The following MYO7A variants were observed in gnomAD, a reference collection of about 807,000 sequenced individuals.
MYO7A encodes myosin VIIA, also known as unconventional myosin-VIIa.
Under a neutral mutation model 263.8 loss-of-function variants are expected in MYO7A, and 210 were observed. The observed-to-expected ratio is 0.80, with a 90% CI of 0.71 to 0.89. MYO7A has a LOEUF of 0.89. Ranked by LOEUF, MYO7A falls within the 40% of genes least tolerant of loss-of-function variation. MYO7A has a pLI of 0.00. For synonymous variants in MYO7A, 1,239 were observed against 1,197.3 expected, an observed-to-expected ratio of 1.03 and a Z score of -0.72; for missense variants, 2,820 against 2,968.3, an observed-to-expected ratio of 0.95 and a Z score of 1.16.
intron 48 of MYO7A, 34 bp from the exon 49 acceptor site, chr11:77,214,573 G>A (rs759378722): frequency 1.3e-5 from 19 of 1,469,500 alleles, no homozygotes; most frequent in South Asian, 2.4e-5. Flanking sequence ...CTGTCCCACC[G>A]TGTGCTCGCT....
In MYO7A at chr11:77,207,415, C is replaced by G; in HGVS notation, c.5856+13C>G. On this transcript the variant is annotated intron_variant, in intron 42 of 48. Transcript: ENST00000409709. ...AATTGCAGACAAGGTGGGTCCTTTG[C>G]CACCTTCGCCAAGGTGGGAGATTTG... The G allele has an allele frequency of 6.4e-7, 1 of 1,553,234 alleles. No individual in the cohort carries two copies. Among genetic ancestry groups the G allele is most frequent in the South Asian group, 1.2e-5 (1 of 86,480 alleles).
rs924913478 is a variant in MYO7A at position 77,160,176 on chromosome 11, A to G, written c.1094A>G (p.Asp365Gly). The change falls in exon 11 of 49, where the codon GAC (aspartate) becomes GGC (glycine). Residue 365 changes from aspartate to glycine, a missense_variant. By Grantham distance (94) the Asp-to-Gly change is moderately conservative. Transcript: ENST00000409709. Reference protein sequence around the residue: ...AASLLEVNPPDLMSCLTSRTL... With the variant: ...AASLLEVNPPGLMSCLTSRTL... Reference sequence around the variant, plus strand: ...TGCCTGTACCAGGTGAACCCCCCAGACCTGATGAGCTGCCTGACTAGCCGC... The same window carrying G: ...TGCCTGTACCAGGTGAACCCCCCAGGCCTGATGAGCTGCCTGACTAGCCGC... 19 of 1,562,994 alleles carry G rather than the reference A, an allele frequency of 1.2e-5. No individual in the cohort carries two copies. The East Asian group carries it at 4.6e-4, about 38-fold the overall frequency.
intron 14 of MYO7A, 32 bp downstream of exon 14, chr11:77,163,020 C>T: frequency 1.2e-6 from 2 of 1,610,032 alleles, no homozygotes; most frequent in Non-Finnish European, 1.7e-6. Context: ...CTGTCACTCC[C>T]TGCCCGTGGC....
chr11:77,140,836 T>C (rs561800270), intron 2 of MYO7A, among the ~76,000 whole-genome samples: 35 of 152,200 alleles, frequency 2.3e-4, no homozygotes, highest in Non-Finnish European at 4.7e-4. Flanking sequence ...TTACTTTTTC[T>C]GGGAGGAAGT....
intron 39 of MYO7A, among the ~76,000 whole-genome samples, chr11:77,204,671 G>T (rs898285342): frequency 2.0e-5 from 3 of 152,118 alleles, no homozygotes; most frequent in Non-Finnish European, 4.4e-5. Context: ...TTCTCCTCCC[G>T]CTGGGACAGC....
At chr11:77,159,403 G>GCCCCCCCCCCCCCCC in intron 9 of MYO7A, 44 bp from the exon 10 acceptor site, 5 of 711,720 alleles carry the variant, frequency 7.0e-6, no homozygotes, top group Admixed American at 1.9e-5. Flanking sequence ...TGCCCCTGTT[G>GCCCCCCCCCCCCCCC]CCCACCCTCC....
chr11:77,157,112 G>A (rs1217189208), intron 7 of MYO7A, 108 bp downstream of exon 7: 35 of 1,489,326 alleles, frequency 2.4e-5, no homozygotes, highest in East Asian at 9.1e-5. Context: ...CCACCTGCCC[G>A]TATTGCTGCC....
chr11:77,179,938 A>G lies in MYO7A; in HGVS notation c.2571A>G (p.Gln857=), dbSNP rs1555082998. 6.5e-7 allele frequency: 1 copy of G among 1,529,356 alleles called. No individual in the cohort carries two copies. The highest frequency in any genetic ancestry group is 1.4e-5 in the African/African-American group (1 of 72,824). 94.7% of individuals were successfully genotyped at this position (1,529,356 alleles called of 1,614,324 possible). ...GCATGATCGCCCGCAGGCTGCACCAACGCCTCAGGGCTGAGGTGAGGGAGC... is the reference window on the plus strand; with the variant it reads ...GCATGATCGCCCGCAGGCTGCACCAGCGCCTCAGGGCTGAGGTGAGGGAGC... The part of the protein sequence containing the change: ...ARGMIARRLH[Q]RLRAEYLWRL... Residue 857 remains glutamine, a synonymous_variant, in exon 21 of 49, where the codon CAA becomes CAG. Coordinates refer to ENST00000409709, the MANE Select transcript of MYO7A (RefSeq NM_000260.4).
chr11:77,192,979 T>C (rs117025894), intron 31 of MYO7A, among the ~76,000 whole-genome samples: 1 of 12,828 alleles, frequency 7.8e-5, no homozygotes. Flanking sequence ...TGGAGGTAGT[T>C]GTGATGGTGG....
At chr11:77,176,303 A>G (rs145130403) in intron 18 of MYO7A, among the ~76,000 whole-genome samples, 2 of 152,300 alleles carry the variant, frequency 1.3e-5, no homozygotes, top group East Asian at 3.9e-4. Context: ...CATCAGCAAG[A>G]TGTGATGAAT....
At chr11:77,170,732 T>A (rs1483845276) in intron 15 of MYO7A, among the ~76,000 whole-genome samples, 1 of 151,902 alleles carries the variant, frequency 6.6e-6, no homozygotes, top group Non-Finnish European at 1.5e-5. Context: ...TGGCCTGGAA[T>A]GTGGGGGATG....
rs111033187 is a variant in MYO7A, at chr11:77,156,011, G to GC, written c.397dup (p.His133ProfsTer7). The GC allele has an allele frequency of 1.7e-5, 28 of 1,613,250 alleles. No individual in the cohort carries two copies. The highest frequency in any genetic ancestry group is 4.5e-5 in the East Asian group (2 of 44,888). Reference sequence around the variant, plus strand: ...ATACCAACAAGAAGATTGGGGAGATGCCCCCCCACATCTTTGCCATTGCTG... The same window carrying GC: ...ATACCAACAAGAAGATTGGGGAGATGCCCCCCCCACATCTTTGCCATTGCTG... On this transcript the variant is annotated frameshift_variant, in exon 5 of 49. Coordinates refer to ENST00000409709, the MANE Select transcript of MYO7A (RefSeq NM_000260.4). LOFTEE classifies it high-confidence loss of function.
chr11:77,161,456 T>C (rs958189036), intron 12 of MYO7A, among the ~76,000 whole-genome samples: 4 of 152,186 alleles, frequency 2.6e-5, no homozygotes, highest in Non-Finnish European at 5.9e-5. Flanking sequence ...GCCACGCTTG[T>C]GTTGGGGTCT....
intron 10 of MYO7A, 117 bp from the exon 11 acceptor site, chr11:77,160,046 G>A (rs898519027): frequency 6.7e-5 from 96 of 1,430,120 alleles, no homozygotes; most frequent in Non-Finnish European, 8.3e-5. Context: ...TGGGGCAGGC[G>A]TGCTTAGTGG....
At chr11:77,148,553 C>T (rs1555055423) in intron 4 of MYO7A, among the ~76,000 whole-genome samples, 1 of 152,156 alleles carries the variant, frequency 6.6e-6, no homozygotes, top group East Asian at 1.9e-4. Context: ...CAGAGAAGAG[C>T]AGAGCAATAA....
intron 28 of MYO7A, 132 bp downstream of exon 28, chr11:77,189,602 C>T (rs1555090578): frequency 1.5e-6 from 2 of 1,333,660 alleles, no homozygotes; most frequent in Non-Finnish European, 2.1e-6. Flanking sequence ...TACTGAGCCC[C>T]ATCTTCCTGG....
At chr11:77,213,103 C>G (rs753700173) in intron 47 of MYO7A, 68 bp downstream of exon 47, 37 of 1,279,848 alleles carry the variant, frequency 2.9e-5, no homozygotes, top group Admixed American at 6.0e-5. Flanking sequence ...GGTCCCAGAA[C>G]GAACCCCACA....
At chr11:77,180,538 C>A in intron 22 of MYO7A, 57 bp downstream of exon 22, 1 of 1,491,436 alleles carries the variant, frequency 6.7e-7, no homozygotes, top group South Asian at 1.2e-5. Context: ...GTCCCCTCCC[C>A]GAGGCTGGCT....
chr11:77,207,213 C>A, intron 41 of MYO7A, 76 bp from the exon 42 acceptor site: 1 of 1,021,202 alleles, frequency 9.8e-7, no homozygotes. Flanking sequence ...GTATAGGAGG[C>A]ATAGCCAGAG....
Sources: allele counts gnomAD v4.1 joint callset (sites outside exome capture counted in the v4.1 genomes callset), GRCh38; gene constraint gnomAD v4.1.1; transcripts MANE v1.5; gene names NCBI Gene and HGNC (gene_info 2026-07-23, HGNC 2026-07-21).